TMEM132D: variants seen among roughly 807,000 people sequenced by gnomAD.
TMEM132D encodes the protein transmembrane protein 132D, also known as mature OL transmembrane protein.
Under a neutral mutation model 62.3 loss-of-function variants are expected in TMEM132D, and 21 were observed. The observed-to-expected ratio is 0.34, with a 90% CI of 0.24 to 0.49. The LOEUF (loss-of-function observed/expected upper bound fraction) is 0.49, where lower values mean the gene tolerates loss of function less well. Among genes scored for constraint, TMEM132D ranks in the 20% least tolerant of loss-of-function variants. The pLI, the probability that TMEM132D is intolerant of heterozygous loss-of-function variation, is 0.99. For missense variants in TMEM132D, 1,346 were observed against 1,402.8 expected, an observed-to-expected ratio of 0.96 and a Z score of 0.65; for synonymous variants, 621 against 575.6, an observed-to-expected ratio of 1.08 and a Z score of -1.13.
At chr12:129,494,512 A>G (rs2137062493) in intron 3 of TMEM132D, among the ~76,000 whole-genome samples, 1 of 152,320 alleles carries the variant, frequency 6.6e-6, no homozygotes, top group South Asian at 2.1e-4. Flanking sequence ...TGTTGACAGG[A>G]TATGTAAATT....
At chr12:129,702,185 CA>C (rs1158989244) in intron 1 of TMEM132D, among the ~76,000 whole-genome samples, 2 of 152,176 alleles carry the variant, frequency 1.3e-5, no homozygotes, top group Non-Finnish European at 2.9e-5. Flanking sequence ...TCGGCATGAC[CA>C]AACTCAGAGC....
intron 5 of TMEM132D, among the ~76,000 whole-genome samples, chr12:129,122,927 T>G (rs986975897): frequency 3.9e-5 from 6 of 152,306 alleles, no homozygotes; most frequent in African/African-American, 1.4e-4. Context: ...GTACGGAGTA[T>G]TTAAGATTGG....
chr12:129,619,294 G>C (rs577628041), intron 2 of TMEM132D, among the ~76,000 whole-genome samples: 28 of 152,256 alleles, frequency 1.8e-4, no homozygotes, highest in African/African-American at 6.7e-4. Flanking sequence ...GCATACATAC[G>C]CTCAGGAAGA....
At chr12:129,192,549 A>G (rs1382993255) in intron 5 of TMEM132D, among the ~76,000 whole-genome samples, 1 of 152,260 alleles carries the variant, frequency 6.6e-6, no homozygotes, top group Admixed American at 6.5e-5. Flanking sequence ...TGAAAGACTA[A>G]TCATGAAAAA....
intron 2 of TMEM132D, among the ~76,000 whole-genome samples, chr12:129,577,649 C>T (rs900061301): frequency 2.0e-5 from 3 of 149,798 alleles, no homozygotes; most frequent in Admixed American, 6.6e-5. Context: ...ACATACCTAA[C>T]GTTCAGTTTT....
At chr12:129,573,188 G>A (rs1877565672) in intron 2 of TMEM132D, among the ~76,000 whole-genome samples, 1 of 152,168 alleles carries the variant, frequency 6.6e-6, no homozygotes, top group Admixed American at 6.5e-5. Context: ...GGGCTCATCG[G>A]CCAGCTGTGG....
chr12:129,189,232 A>G (rs1423733009), intron 5 of TMEM132D, among the ~76,000 whole-genome samples: 2 of 152,110 alleles, frequency 1.3e-5, no homozygotes, highest in Non-Finnish European at 2.9e-5. Flanking sequence ...TAGCTAAACC[A>G]CCACCCTTCA....
At chr12:129,245,582 T>C (rs925245990) in intron 4 of TMEM132D, among the ~76,000 whole-genome samples, 3 of 151,986 alleles carry the variant, frequency 2.0e-5, no homozygotes, top group Non-Finnish European at 4.4e-5. Context: ...TAAAGATTGC[T>C]CTCTCCCTTG....
intron 3 of TMEM132D, among the ~76,000 whole-genome samples, chr12:129,353,426 G>C (rs1869933294): frequency 6.6e-6 from 1 of 152,128 alleles, no homozygotes; most frequent in African/African-American, 2.4e-5. Flanking sequence ...AACCCAAACT[G>C]TTCAAACATC....
chr12:129,643,482 T>A lies in TMEM132D; in HGVS notation c.968+56328A>T, dbSNP rs143181379. Among the ~76,000 whole-genome samples the A allele has an allele frequency of 3.7e-3, 566 of 152,332 alleles. 4 individuals are homozygous for A. Among genetic ancestry groups the A allele is most frequent in the Non-Finnish European group, 6.2e-3 (419 of 68,036 alleles). On this transcript the variant is annotated intron_variant, in intron 2 of 8. Transcript: ENST00000422113. ...TTTGCTGGCCACAGTAGAAACTGTA[T>A]ACCCTGCAAAGCCAAACCTATTTAC... is the stretch of plus-strand genomic sequence containing the variant.
intron 2 of TMEM132D, among the ~76,000 whole-genome samples, chr12:129,621,060 C>T (rs540316449): frequency 4.6e-5 from 7 of 152,298 alleles, no homozygotes; most frequent in African/African-American, 1.7e-4. Flanking sequence ...CCACGTGGTT[C>T]CAAGTGGAGG....
chr12:129,865,211 G>A (rs891173724), intron 1 of TMEM132D, among the ~76,000 whole-genome samples: 2 of 152,190 alleles, frequency 1.3e-5, no homozygotes, highest in African/African-American at 4.8e-5. Context: ...AGTGCTGAGG[G>A]GTAGCTCTGC....
chr12:129,836,691 A>G (rs961070407), intron 1 of TMEM132D, among the ~76,000 whole-genome samples: 1 of 152,100 alleles, frequency 6.6e-6, no homozygotes, highest in African/African-American at 2.4e-5. Context: ...AACATCTCCC[A>G]TGAATCATTA....
intron 3 of TMEM132D, among the ~76,000 whole-genome samples, chr12:129,479,595 A>C (rs1874374396): frequency 6.6e-6 from 1 of 152,256 alleles, no homozygotes; most frequent in African/African-American, 2.4e-5. Context: ...AGGCAAGAGC[A>C]CAGAAAAGAA....
chr12:129,394,128 G>A (rs904883628), intron 3 of TMEM132D, among the ~76,000 whole-genome samples: 4 of 152,184 alleles, frequency 2.6e-5, no homozygotes, highest in Non-Finnish European at 5.9e-5. Flanking sequence ...TCAGCAACAG[G>A]CGGAGGATGC....
chr12:129,093,267 T>C (rs185568694), intron 5 of TMEM132D, among the ~76,000 whole-genome samples: 162 of 152,302 alleles, frequency 1.1e-3, no homozygotes, highest in African/African-American at 3.7e-3. Context: ...GATGACATGA[T>C]TGTATATCTA....
chr12:129,606,586 G>A (rs1333734282), intron 2 of TMEM132D, among the ~76,000 whole-genome samples: 1 of 152,050 alleles, frequency 6.6e-6, no homozygotes, highest in African/African-American at 2.4e-5. Context: ...CCACACCAAG[G>A]TCATCCTCCA....
rs533026207 is a variant in TMEM132D, at chr12:129,613,808, G to C, written c.969-82603C>G. ...GTCTCCAGAACCCAGAGGACTGTCTGCAGAACCCAGGGGACTGTCTGCAGA... is the reference window on the plus strand; with the variant it reads ...GTCTCCAGAACCCAGAGGACTGTCTCCAGAACCCAGGGGACTGTCTGCAGA... On this transcript the variant is annotated intron_variant, in intron 2 of 8. Coordinates refer to ENST00000422113, the MANE Select transcript of TMEM132D (RefSeq NM_133448.3). Among the ~76,000 whole-genome samples, 7 of 148,658 alleles carry C rather than the reference G, an allele frequency of 4.7e-5. No homozygotes were observed. The South Asian group carries it at 1.7e-3, about 36-fold the overall frequency.
intron 3 of TMEM132D, among the ~76,000 whole-genome samples, chr12:129,494,767 C>T (rs1874898659): frequency 6.6e-6 from 1 of 152,114 alleles, no homozygotes; most frequent in Non-Finnish European, 1.5e-5. Context: ...ATCATCCTGG[C>T]CTCTGAGTCC....
Sources: gnomAD v4.1 joint callset for allele counts (sites outside exome capture counted in the v4.1 genomes callset) on GRCh38, gnomAD v4.1.1 for gene constraint, MANE v1.5 for transcripts, NCBI Gene and HGNC (gene_info 2026-07-23, HGNC 2026-07-21) for gene names.